PIK3C2B: variants seen among roughly 807,000 people sequenced by gnomAD.
PIK3C2B encodes phosphatidylinositol-4-phosphate 3-kinase catalytic subunit type 2 beta.
Under a neutral mutation model 184.3 loss-of-function variants are expected in PIK3C2B, and 83 were observed. The ratio of observed to expected loss-of-function variants is 0.45; its 90% confidence interval spans 0.38 to 0.54. The LOEUF is 0.54. PIK3C2B is among the 20% of genes least tolerant of loss of function. The pLI is 0.00. For missense variants in PIK3C2B, 1,736 were observed against 2,113.5 expected (o/e 0.82, Z 3.50); for synonymous variants, 779 against 837.6 (o/e 0.93, Z 1.21).
chr1:204,447,722 G>T lies in PIK3C2B; in HGVS notation c.2347-144C>A. On this transcript the variant is annotated intron_variant, in intron 14 of 32. Transcript: ENST00000684373. This position sits in a 1 kb window ranked among gnomAD's most constrained non-coding sequence, Gnocchi z 4.1. Reference sequence around the variant, plus strand: ...TTGTAAAATAGCCCTGTTAGACTTGGTGATCTCTAAAGTCCTTTCCAGCTA... The same window carrying T: ...TTGTAAAATAGCCCTGTTAGACTTGTTGATCTCTAAAGTCCTTTCCAGCTA... 1.6e-6 allele frequency: 1 copy of T among 609,340 alleles called. No homozygotes were observed. The highest frequency in any genetic ancestry group is 2.7e-5 in the East Asian group (1 of 36,828). The allele number at this position is 609,340 out of a possible 1,614,324, so 37.7% of individuals were successfully genotyped here. A position where few individuals can be genotyped will look rare whatever the true frequency, so the allele number is the denominator to read the frequency against.
chr1:204,444,032 C>G (rs966015429), intron 18 of PIK3C2B, 36 bp downstream of exon 18: 3 of 1,381,188 alleles, frequency 2.2e-6, no homozygotes, highest in Non-Finnish European at 3.1e-6. Flanking sequence ...GTGAAAGACA[C>G]GTGTCTACCT....
intron 1 of PIK3C2B, among the ~76,000 whole-genome samples, chr1:204,475,357 A>T (rs1447981377): frequency 6.6e-6 from 1 of 151,694 alleles, no homozygotes; most frequent in Non-Finnish European, 1.5e-5. Context: ...TCTCAAACAC[A>T]GGCTTAAGAT....
chr1:204,443,921 G>A, intron 18 of PIK3C2B, 147 bp downstream of exon 18: 3 of 674,850 alleles, frequency 4.4e-6, no homozygotes, highest in Non-Finnish European at 8.2e-6. Flanking sequence ...GACCCCTGAG[G>A]AAAAGATGCT....
chr1:204,449,687 C>T lies in PIK3C2B; in HGVS notation c.2234+163G>A, dbSNP rs570447514. Among the ~76,000 whole-genome samples the T allele has an allele frequency of 8.1e-4, 123 of 152,332 alleles. 1 individual carries two copies. Among genetic ancestry groups the T allele is most frequent in the African/African-American group, 2.9e-3 (121 of 41,576 alleles). ...AGTGGCTCTTGGTTACATCAATAGT[C>T]CTGGTCACCAGTTCTGTGCTTGGGG... On this transcript the variant is annotated intron_variant, in intron 13 of 32. Transcript: ENST00000684373.
chr1:204,476,884 A>ACT (rs1656753089), intron 1 of PIK3C2B, among the ~76,000 whole-genome samples: 1 of 152,248 alleles, frequency 6.6e-6, no homozygotes, highest in South Asian at 2.1e-4. Flanking sequence ...ACCTCTTAGA[A>ACT]AACAGATGGA....
At chr1:204,443,835 T>C (rs1653600757) in intron 18 of PIK3C2B, among the ~76,000 whole-genome samples, 1 of 152,220 alleles carries the variant, frequency 6.6e-6, no homozygotes, top group Non-Finnish European at 1.5e-5. Flanking sequence ...TTGTTTCTCC[T>C]TTCTATTTCT....
intron 4 of PIK3C2B, 68 bp from the exon 5 acceptor site, chr1:204,464,200 C>A: frequency 6.5e-7 from 1 of 1,545,962 alleles, no homozygotes; most frequent in East Asian, 2.2e-5. Flanking sequence ...AGTTTCCCCA[C>A]CCTGATCCCC....
Position 204,473,502 on chromosome 1 carries a change from C to A in PIK3C2B, c.-84-3616G>T, listed in dbSNP as rs559891935. Among the ~76,000 whole-genome samples the A allele has an allele frequency of 2.0e-5, 3 of 152,258 alleles. No homozygotes were observed. The South Asian group carries it at 6.2e-4, about 32-fold the overall frequency. ...GCTGCCTGGAGCTGGGAGACTAGTC[C>A]CAGGAAAAGGAGGGCCTAGTGCCTT... On this transcript the variant is annotated intron_variant, in intron 1 of 32. Coordinates refer to ENST00000684373, the MANE Select transcript of PIK3C2B (RefSeq NM_001377334.1).
intron 8 of PIK3C2B, 57 bp downstream of exon 8, chr1:204,459,821 G>A (rs1355465320): frequency 7.1e-6 from 10 of 1,408,936 alleles, no homozygotes; most frequent in South Asian, 5.8e-5. Flanking sequence ...GGAGGACTGA[G>A]GAAGGGGAGA....
At position 204,446,589 on chromosome 1, in the gene PIK3C2B, G is replaced by T. The variant is rs75299638; in HGVS notation, c.2490-445C>A. Among the ~76,000 whole-genome samples the T allele has an allele frequency of 7.4e-4, 113 of 152,276 alleles. 1 individual carries two copies. In the East Asian group the frequency reaches 0.017, roughly 23 times the overall value. On this transcript the variant is annotated intron_variant, in intron 15 of 32. Transcript: ENST00000684373. ...AGGGCAGTGGTCCCCCAACACCAGG[G>T]TCTGTGCTGCTGAGAGGCCTCCTGG...
At chr1:204,479,324 T>C (rs1306135641) in intron 1 of PIK3C2B, among the ~76,000 whole-genome samples, 2 of 151,206 alleles carry the variant, frequency 1.3e-5, no homozygotes, top group Admixed American at 1.3e-4. Flanking sequence ...AAGGGCATGG[T>C]AGTTATGAGG....
At chr1:204,473,331 T>A (rs965118066) in intron 1 of PIK3C2B, among the ~76,000 whole-genome samples, 1 of 152,192 alleles carries the variant, frequency 6.6e-6, no homozygotes, top group African/African-American at 2.4e-5. Context: ...AGCCTCAGAG[T>A]ATCTAAAGCA....
intron 21 of PIK3C2B, 64 bp downstream of exon 21, chr1:204,441,407 C>G (rs569318933): frequency 9.9e-7 from 1 of 1,013,800 alleles, no homozygotes; most frequent in Admixed American, 1.8e-5. Context: ...TACTTAATGC[C>G]ACTCTAGGCT....
At chr1:204,455,376 C>T (rs966804995) in intron 11 of PIK3C2B, among the ~76,000 whole-genome samples, 35 of 152,110 alleles carry the variant, frequency 2.3e-4, no homozygotes, top group Non-Finnish European at 3.2e-4. Flanking sequence ...AGTGCCTATT[C>T]CCTCAGGCCT....
In PIK3C2B at chr1:204,440,233, C is replaced by A. The variant is rs368018698; in HGVS notation, c.3338G>T (p.Arg1113Leu). The A allele has an allele frequency of 6.2e-7, 1 of 1,612,324 alleles. No individual in the cohort carries two copies. The highest frequency in any genetic ancestry group is 1.1e-5 in the South Asian group (1 of 91,046). The change falls in exon 22 of 33, where the codon CGC (arginine) becomes CTC (leucine). Residue 1113 changes from arginine (R) to leucine (L), a missense_variant. Transcript: ENST00000684373. ...KIWVQEGLDM[R>L]MVIFRCFSTG... Reference sequence around the variant, plus strand: ...GGAGAAGCAGCGGAAGATGACCATGCGCATGTCCAGCCCCTCCTGGACCCA... The same window carrying A: ...GGAGAAGCAGCGGAAGATGACCATGAGCATGTCCAGCCCCTCCTGGACCCA...
intron 1 of PIK3C2B, among the ~76,000 whole-genome samples, chr1:204,473,652 G>C (rs1030706962): frequency 2.0e-5 from 3 of 151,876 alleles, no homozygotes; most frequent in African/African-American, 7.3e-5. Flanking sequence ...TGCCTTAGCA[G>C]GCACTATTGT....
intron 2 of PIK3C2B, among the ~76,000 whole-genome samples, chr1:204,468,355 G>A (rs1424771343): frequency 6.6e-6 from 1 of 152,210 alleles, no homozygotes; most frequent in Admixed American, 6.5e-5. Flanking sequence ...TGCTTGCTGT[G>A]TGGCTTTGGA....
At chr1:204,429,310 T>G (rs1674913838) in intron 29 of PIK3C2B, among the ~76,000 whole-genome samples, 1 of 152,148 alleles carries the variant, frequency 6.6e-6, no homozygotes, top group African/African-American at 2.4e-5. Flanking sequence ...CTTTCAAAAA[T>G]AAAATGGTTA....
At chr1:204,444,586 A>C (rs1653686969) in intron 16 of PIK3C2B, among the ~76,000 whole-genome samples, 162 bp from the exon 17 acceptor site, 1 of 152,212 alleles carries the variant, frequency 6.6e-6, no homozygotes. Flanking sequence ...ACTTCCCTGG[A>C]TAGCAACCCT....
Sources: gnomAD v4.1 joint callset for allele counts (sites outside exome capture counted in the v4.1 genomes callset) on GRCh38, gnomAD v4.1.1 for gene constraint, Gnocchi (gnomAD v3.1) non-coding constraint, MANE v1.5 for transcripts, NCBI Gene and HGNC (gene_info 2026-07-23, HGNC 2026-07-21) for gene names.